The following UBE2G1 variants were observed in gnomAD, a reference collection of about 807,000 sequenced individuals.
UBE2G1 encodes ubiquitin conjugating enzyme E2 G1.
UBE2G1 carries 5 observed loss-of-function variants against 22.7 expected under a neutral mutation model. The ratio of observed to expected loss-of-function variants is 0.22; its 90% CI spans 0.12 to 0.46. The LOEUF (loss-of-function observed/expected upper bound fraction) is 0.46. UBE2G1 is among the 20% of genes least tolerant of loss of function. UBE2G1 has a pLI of 0.99. For synonymous variants in UBE2G1, 74 were observed against 67.5 expected (o/e 1.10, Z -0.47); for missense variants, 88 against 203.9 (o/e 0.43, Z 3.46).
intron 3 of UBE2G1, among the ~76,000 whole-genome samples, chr17:4,290,634 G>A (rs1969022284): frequency 7.1e-6 from 1 of 140,396 alleles, no homozygotes; most frequent in African/African-American, 2.5e-5. Context: ...ATGATGCCTG[G>A]CTAACCTGAC....
chr17:4,339,987 G>GCCC, intron 1 of UBE2G1, among the ~76,000 whole-genome samples: 1 of 152,204 alleles, frequency 6.6e-6, no homozygotes, highest in Non-Finnish European at 1.5e-5. Context: ...GGGCTGGAGT[G>GCCC]CAGTGGTGCA....
intron 5 of UBE2G1, among the ~76,000 whole-genome samples, chr17:4,277,511 A>G (rs1968834485): frequency 6.6e-6 from 1 of 152,112 alleles, no homozygotes; most frequent in South Asian, 2.1e-4. Context: ...TTCCTACCCC[A>G]CAGCTGAATT....
intron 5 of UBE2G1, among the ~76,000 whole-genome samples, chr17:4,278,358 C>A (rs1043594824): frequency 6.6e-6 from 1 of 152,190 alleles, no homozygotes; most frequent in Non-Finnish European, 1.5e-5. Context: ...CTTTTGGCTT[C>A]TCTGAACCAC....
chr17:4,281,284 T>C (rs1968887597), intron 5 of UBE2G1, among the ~76,000 whole-genome samples: 1 of 152,188 alleles, frequency 6.6e-6, no homozygotes, highest in Non-Finnish European at 1.5e-5. Context: ...AACAGAAGAA[T>C]GCATTCATTA....
intron 1 of UBE2G1, among the ~76,000 whole-genome samples, chr17:4,312,644 C>T (rs1305651976): frequency 1.4e-5 from 2 of 146,740 alleles, no homozygotes; most frequent in African/African-American, 2.6e-5. Context: ...TGCAATGAGC[C>T]GAGATCGCGC....
rs186012211 is a variant in UBE2G1, at chr17:4,350,893, C to A, written c.46+15378G>T. 7.6e-4 allele frequency among the ~76,000 whole-genome samples: 115 copies of A among 151,994 alleles called. 1 individual carries two copies. Among genetic ancestry groups the A allele is most frequent in the African/African-American group, 2.6e-3 (107 of 41,450 alleles). ...TAAAAATACAAAAAAACTAGCCGGG[C>A]ATGGTGGCAGGCGCCTGTAGTCCCA... is the stretch of plus-strand genomic sequence containing the variant. On this transcript the variant is annotated intron_variant, in intron 1 of 5. Transcript: ENST00000396981.
chr17:4,334,141 C>A (rs1362743841), intron 1 of UBE2G1, among the ~76,000 whole-genome samples: 1 of 151,962 alleles, frequency 6.6e-6, no homozygotes, highest in Admixed American at 6.6e-5. Flanking sequence ...TGGCTCACTG[C>A]AGCCTAGGCT....
chr17:4,281,364 G>A (rs1349050821), intron 5 of UBE2G1, among the ~76,000 whole-genome samples: 1 of 152,174 alleles, frequency 6.6e-6, no homozygotes, highest in Non-Finnish European at 1.5e-5. Context: ...GTAAAATTAT[G>A]AAGAAAAGCA....
rs182745055 is a variant in UBE2G1, at chr17:4,315,908, G to T, written c.47-8785C>A. Among the ~76,000 whole-genome samples the T allele has an allele frequency of 2.8e-3, 397 of 140,880 alleles. 2 individuals carry two copies. The highest frequency in any genetic ancestry group is 1.0e-2 in the African/African-American group (373 of 37,486). The allele number at this position is 140,880 out of a possible 152,430, so 92.4% of individuals were successfully genotyped here. ...TACAAGCTCCACCTCCTGGGTTCACGCCATTCTCCTGCCTCAGCCTCTCCG... is the reference window on the plus strand; with the variant it reads ...TACAAGCTCCACCTCCTGGGTTCACTCCATTCTCCTGCCTCAGCCTCTCCG... On this transcript the variant is annotated intron_variant, in intron 1 of 5. Coordinates refer to ENST00000396981, the MANE Select transcript of UBE2G1 (RefSeq NM_003342.5).
intron 3 of UBE2G1, among the ~76,000 whole-genome samples, chr17:4,296,026 T>C (rs964548141): frequency 6.6e-6 from 1 of 151,002 alleles, no homozygotes; most frequent in East Asian, 1.9e-4. Flanking sequence ...AGAAGAGTTG[T>C]CCATGGTATA....
chr17:4,353,426 CATATAT>C lies in UBE2G1; in HGVS notation c.46+12839_46+12844del, dbSNP rs757254438. ...AAACTAGTGTCGATCAACGAAACCC[CATATAT>C]ATATAGAGTTTCGTTGATATATATA... On this transcript the variant is annotated intron_variant, in intron 1 of 5. Transcript: ENST00000396981. Among the ~76,000 whole-genome samples the C allele has an allele frequency of 1.3e-4, 20 of 150,022 alleles. 1 individual carries two copies. The highest frequency in any genetic ancestry group is 4.2e-4 in the African/African-American group (17 of 40,368).
chr17:4,308,685 A>C (rs1400166878), intron 1 of UBE2G1, among the ~76,000 whole-genome samples: 2 of 152,204 alleles, frequency 1.3e-5, no homozygotes, highest in African/African-American at 2.4e-5. Flanking sequence ...CTCAAATTGG[A>C]AAGTGTGGAC....
intron 1 of UBE2G1, among the ~76,000 whole-genome samples, chr17:4,353,410 T>A (rs1969868087): frequency 6.6e-6 from 1 of 151,744 alleles, no homozygotes; most frequent in African/African-American, 2.4e-5. Context: ...TAAACTAGTG[T>A]CGATCAACGA....
At chr17:4,284,144 G>A (rs1386991820) in intron 4 of UBE2G1, among the ~76,000 whole-genome samples, 6 of 131,540 alleles carry the variant, frequency 4.6e-5, no homozygotes, top group East Asian at 2.3e-4. Context: ...GCGACAGAGC[G>A]AGACTCCGTC....
In UBE2G1 at chr17:4,307,271, C is replaced by G. The variant is rs1439929140; in HGVS notation, c.47-148G>C. On this transcript the variant is annotated intron_variant, in intron 1 of 5. Transcript: ENST00000396981. Reference sequence around the variant, plus strand: ...GCCAGGCAAAATGCTACTTGATGGCCAAAACATTTTCATGCCTATACTGTA... The same window carrying G: ...GCCAGGCAAAATGCTACTTGATGGCGAAAACATTTTCATGCCTATACTGTA... 7 of 654,984 alleles carry G rather than the reference C, an allele frequency of 1.1e-5. No individual in the cohort carries two copies. In the African/African-American group the frequency reaches 1.3e-4, roughly 12 times the overall value. 40.6% of individuals were successfully genotyped at this position (654,984 alleles called of 1,614,324 possible).
chr17:4,353,045 C>T (rs1490285747), intron 1 of UBE2G1, among the ~76,000 whole-genome samples: 6 of 152,042 alleles, frequency 3.9e-5, no homozygotes, highest in Admixed American at 1.3e-4. Flanking sequence ...AGTGAAACCC[C>T]GTCTCTACTA....
intron 5 of UBE2G1, among the ~76,000 whole-genome samples, chr17:4,278,533 G>T (rs753176965): frequency 6.6e-6 from 1 of 152,172 alleles, no homozygotes; most frequent in African/African-American, 2.4e-5. Context: ...TGGCCCGCAG[G>T]CTGCAGGCTG....
chr17:4,332,117 C>G (rs1232460999), intron 1 of UBE2G1, among the ~76,000 whole-genome samples: 1 of 152,046 alleles, frequency 6.6e-6, no homozygotes, highest in African/African-American at 2.4e-5. Context: ...TTTTTTAAAG[C>G]TAAGTATATA....
At chr17:4,288,891 T>C (rs1286774650) in intron 4 of UBE2G1, among the ~76,000 whole-genome samples, 1 of 152,064 alleles carries the variant, frequency 6.6e-6, no homozygotes, top group Non-Finnish European at 1.5e-5. Context: ...ATATGCACTT[T>C]TGGTCAGGCA....
Sources: allele counts gnomAD v4.1 joint callset (sites outside exome capture counted in the v4.1 genomes callset), GRCh38; gene constraint gnomAD v4.1.1; transcripts MANE v1.5; gene names NCBI Gene and HGNC (gene_info 2026-07-23, HGNC 2026-07-21).